Variants in NEGR1 observed in about 807,000 individuals in gnomAD.
NEGR1 encodes the protein IgLON family member 4.
NEGR1 carries 10 observed loss-of-function variants against 40.9 expected under a neutral mutation model. The observed-to-expected ratio is 0.24, with a 90% CI of 0.15 to 0.42. The LOEUF (loss-of-function observed/expected upper bound fraction) is 0.42, where lower values mean the gene tolerates loss of function less well. Among genes scored for constraint, NEGR1 ranks in the 10% least tolerant of loss-of-function variants. NEGR1 has a pLI of 1.00. For synonymous variants in NEGR1, 185 were observed against 166.8 expected (o/e 1.11, Z -0.84); for missense variants, 352 against 438.9 (o/e 0.80, Z 1.77).
intron 1 of NEGR1, among the ~76,000 whole-genome samples, chr1:71,954,860 C>A (rs977563801): frequency 6.6e-6 from 1 of 152,028 alleles, no homozygotes; most frequent in African/African-American, 2.4e-5. Flanking sequence ...GATCAAATAA[C>A]AATTACCATC....
At chr1:71,875,242 C>A (rs554046372) in intron 2 of NEGR1, among the ~76,000 whole-genome samples, 5 of 152,230 alleles carry the variant, frequency 3.3e-5, no homozygotes, top group South Asian at 4.2e-4. Context: ...CTTGTACATA[C>A]AATTTTATGA....
intron 1 of NEGR1, among the ~76,000 whole-genome samples, chr1:71,937,319 G>A (rs1466038042): frequency 6.6e-6 from 1 of 152,150 alleles, no homozygotes; most frequent in Admixed American, 6.5e-5. Flanking sequence ...AGAAGATAGA[G>A]GGTACATATT....
chr1:71,924,230 G>A (rs1281894124), intron 2 of NEGR1, among the ~76,000 whole-genome samples: 2 of 152,162 alleles, frequency 1.3e-5, no homozygotes, highest in East Asian at 3.9e-4. Context: ...CTGGAGATGA[G>A]GATGTAGTCA....
rs985336970 is a variant in NEGR1, at chr1:71,792,069, C to T, written c.410-15772G>A. ...TAGAGGACTTTGAGTTAAAACATTG[C>T]TAAAATAATGGACGCAAAAACAAAC... On this transcript the variant is annotated intron_variant, in intron 2 of 6. Coordinates refer to ENST00000357731, the MANE Select transcript of NEGR1 (RefSeq NM_173808.3). 7.9e-5 allele frequency among the ~76,000 whole-genome samples: 12 copies of T among 152,158 alleles called. No individual in the cohort carries two copies. The South Asian group carries it at 2.5e-3, about 31-fold the overall frequency.
chr1:72,065,454 C>T (rs748017861), intron 1 of NEGR1, among the ~76,000 whole-genome samples: 3 of 152,084 alleles, frequency 2.0e-5, no homozygotes, highest in Non-Finnish European at 4.4e-5. Context: ...TGCTAACTGT[C>T]TGCCCAAATT....
chr1:71,998,291 T>G (rs1646523385), intron 1 of NEGR1, among the ~76,000 whole-genome samples: 1 of 151,960 alleles, frequency 6.6e-6, no homozygotes, highest in South Asian at 2.1e-4. Context: ...GCTCAATAAT[T>G]AATGTGTATT....
At chr1:71,619,542 T>C (rs1445077130) in intron 4 of NEGR1, among the ~76,000 whole-genome samples, 1 of 152,100 alleles carries the variant, frequency 6.6e-6, no homozygotes, top group Non-Finnish European at 1.5e-5. Flanking sequence ...ACCAGTAGAA[T>C]AGCATCCTTT....
chr1:71,629,928 C>CCAAATACTGT (rs1650918464), intron 4 of NEGR1, among the ~76,000 whole-genome samples: 1 of 151,946 alleles, frequency 6.6e-6, no homozygotes, highest in Non-Finnish European at 1.5e-5. Flanking sequence ...CAAATACTGA[C>CCAAATACTGT]ATCAATGCCT....
At position 71,590,896 on chromosome 1, in the gene NEGR1, AT is replaced by A. The variant is rs147422098; in HGVS notation, c.940+1920del. On this transcript the variant is annotated intron_variant, in intron 6 of 6. Coordinates refer to ENST00000357731, the MANE Select transcript of NEGR1 (RefSeq NM_173808.3). ...TGTTTAATTCATTTATTCACTAAAG[AT>A]TTACTCCTTGCTTATTAAATAGCAG... Among the ~76,000 whole-genome samples, 970 of 152,282 alleles carry A rather than the reference AT, an allele frequency of 6.4e-3. 8 individuals are homozygous for A. Among genetic ancestry groups the A allele is most frequent in the African/African-American group, 0.023 (936 of 41,550 alleles).
intron 6 of NEGR1, among the ~76,000 whole-genome samples, chr1:71,550,182 G>T (rs911674451): frequency 1.3e-5 from 2 of 151,542 alleles, no homozygotes; most frequent in African/African-American, 2.4e-5. Context: ...CTCATGTGTT[G>T]TGAGGAGCCC....
chr1:71,440,360 T>C, intron 6 of NEGR1, among the ~76,000 whole-genome samples: 1 of 152,216 alleles, frequency 6.6e-6, no homozygotes, highest in African/African-American at 2.4e-5. Flanking sequence ...TAGCCTGCAA[T>C]AGAGCAATAA....
intron 4 of NEGR1, among the ~76,000 whole-genome samples, chr1:71,648,889 A>T (rs1008398961): frequency 1.3e-5 from 2 of 152,052 alleles, no homozygotes; most frequent in African/African-American, 2.4e-5. Flanking sequence ...TCCATAATGA[A>T]ACCTAAATCT....
intron 6 of NEGR1, among the ~76,000 whole-genome samples, chr1:71,590,593 T>G (rs1378202547): frequency 6.6e-6 from 1 of 152,108 alleles, no homozygotes; most frequent in Non-Finnish European, 1.5e-5. Context: ...TTTTGCTTTG[T>G]CACTAACCAT....
intron 6 of NEGR1, among the ~76,000 whole-genome samples, chr1:71,527,525 A>G (rs1223183437): frequency 6.6e-6 from 1 of 151,540 alleles, no homozygotes; most frequent in African/African-American, 2.4e-5. Flanking sequence ...TAGATAAATT[A>G]CCCAACCTTC....
At chr1:72,114,484 AATAG>A (rs1278294351) in intron 1 of NEGR1, among the ~76,000 whole-genome samples, 23 of 151,874 alleles carry the variant, frequency 1.5e-4, no homozygotes, top group South Asian at 4.2e-4. Context: ...CAGATAGATA[AATAG>A]ATAGATAGAT....
chr1:71,943,343 A>G (rs1368631896), intron 1 of NEGR1, among the ~76,000 whole-genome samples: 2 of 150,760 alleles, frequency 1.3e-5, no homozygotes, highest in African/African-American at 2.4e-5. Flanking sequence ...CCATTTATAT[A>G]TATACATATA....
chr1:71,720,071 T>C (rs1184121581), intron 3 of NEGR1, among the ~76,000 whole-genome samples: 1 of 152,154 alleles, frequency 6.6e-6, no homozygotes, highest in Non-Finnish European at 1.5e-5. Context: ...TATTAGGTAC[T>C]ACCAAACAAC....
At chr1:72,208,474 T>G (rs941590736) in intron 1 of NEGR1, among the ~76,000 whole-genome samples, 1 of 151,692 alleles carries the variant, frequency 6.6e-6, no homozygotes, top group Admixed American at 6.6e-5. Flanking sequence ...AATCTGCAGA[T>G]AGTTTTTCTT....
chr1:71,941,396 T>C (rs1358731363), intron 1 of NEGR1, among the ~76,000 whole-genome samples: 1 of 152,176 alleles, frequency 6.6e-6, no homozygotes. Context: ...CTAGATAATA[T>C]GTATGTATGT....
Sources: gnomAD v4.1 joint callset for allele counts (sites outside exome capture counted in the v4.1 genomes callset) on GRCh38, gnomAD v4.1.1 for gene constraint, MANE v1.5 for transcripts, NCBI Gene and HGNC (gene_info 2026-07-23, HGNC 2026-07-21) for gene names.